Variants in TRAPPC12 observed in about 807,000 individuals in gnomAD.
The protein encoded by TRAPPC12 is TPR repeat protein 15.
Under a neutral mutation model 69.2 loss-of-function variants are expected in TRAPPC12, and 61 were observed. The ratio of observed to expected loss-of-function variants is 0.88; its 90% CI spans 0.72 to 1.09. The LOEUF (loss-of-function observed/expected upper bound fraction) is 1.09. Among genes scored for constraint, TRAPPC12 ranks in the 50% least tolerant of loss-of-function variants. TRAPPC12 has a pLI of 0.00. For synonymous variants in TRAPPC12, 469 were observed against 438.9 expected (o/e 1.07, Z -0.86); for missense variants, 1,101 against 1,016.4 (o/e 1.08, Z -1.13).
chr2:3,438,958 ATCT>A, intron 5 of TRAPPC12, among the ~76,000 whole-genome samples: 1 of 152,196 alleles, frequency 6.6e-6, no homozygotes, highest in African/African-American at 2.4e-5. Context: ...CCTTGGGTAA[ATCT>A]CTAGGACTGT....
chr2:3,394,105 C>T (rs1279358020), intron 2 of TRAPPC12, among the ~76,000 whole-genome samples: 2 of 152,148 alleles, frequency 1.3e-5, no homozygotes, highest in Non-Finnish European at 2.9e-5. Context: ...CAACCAAGTC[C>T]AGGAAGCTTT....
chr2:3,413,335 T>C (rs1298490712), intron 3 of TRAPPC12, among the ~76,000 whole-genome samples: 1 of 152,220 alleles, frequency 6.6e-6, no homozygotes, highest in Non-Finnish European at 1.5e-5. Context: ...CAAAGGATTA[T>C]CTCATTATCT....
At position 3,477,704 on chromosome 2, in the gene TRAPPC12, A is replaced by T. The variant is rs772796329; in HGVS notation, c.1786A>T (p.Ile596Leu). 1.9e-6 allele frequency: 3 copies of T among 1,607,176 alleles called. No individual in the cohort carries two copies. The African/African-American group carries it at 4.0e-5, about 22-fold the overall frequency. ...IGRISLQIGD[I>L]KTAEKYFQDV... ...AATTTTGTCAAAGCAGATTGGAGAC[A>T]TAAAAACAGCTGAAAAGTATTTTCA... Residue 596 changes from isoleucine to leucine, a missense_variant, in exon 10 of 12, where the codon ATA becomes TTA. Transcript: ENST00000324266.
At chr2:3,457,791 G>C (rs1442567908) in intron 7 of TRAPPC12, 98 bp downstream of exon 7, 2 of 1,538,476 alleles carry the variant, frequency 1.3e-6, no homozygotes, top group East Asian at 2.3e-5. Context: ...TTTCCTTTCT[G>C]TAGTCAGCAC....
At chr2:3,403,733 T>G (rs894279632) in intron 3 of TRAPPC12, among the ~76,000 whole-genome samples, 2 of 152,214 alleles carry the variant, frequency 1.3e-5, no homozygotes, top group Admixed American at 6.5e-5. Flanking sequence ...CAACTGTCTT[T>G]TGTGTGAAAA....
At chr2:3,479,088 G>A (rs1051324153) in intron 11 of TRAPPC12, 131 bp from the exon 12 acceptor site, 8 of 1,520,384 alleles carry the variant, frequency 5.3e-6, no homozygotes, top group Non-Finnish European at 6.2e-6. Context: ...TGACCCAACA[G>A]GGCCACCTAG....
chr2:3,460,573 A>G (rs1665434416), intron 8 of TRAPPC12: 3 of 466,396 alleles, frequency 6.4e-6, no homozygotes, highest in Non-Finnish European at 7.5e-6. Context: ...CATTATTGAA[A>G]TGTGGGTCTA....
intron 2 of TRAPPC12, among the ~76,000 whole-genome samples, chr2:3,390,076 G>GA (rs1043474767): frequency 1.3e-5 from 2 of 152,198 alleles, no homozygotes; most frequent in African/African-American, 4.8e-5. Flanking sequence ...CTCCACATGG[G>GA]ACGAAAGGTT....
intron 2 of TRAPPC12, among the ~76,000 whole-genome samples, chr2:3,389,472 T>C (rs1311196317): frequency 6.6e-6 from 1 of 152,244 alleles, no homozygotes. Flanking sequence ...CACAGTGGAC[T>C]CCTGCGTCCA....
Position 3,401,773 on chromosome 2 carries a change from C to T in TRAPPC12, c.1048-4C>T. On this transcript the variant is annotated splice_region_variant and splice_polypyrimidine_tract_variant and intron_variant, in intron 2 of 11. Transcript: ENST00000324266. ...TTGACATATTTTTCTTCTATTCTTC[C>T]CAGGGAGATGCAGTTAAAGACTTGA... The T allele has an allele frequency of 6.4e-7, 1 of 1,561,428 alleles. No individual in the cohort carries two copies. Among genetic ancestry groups the T allele is most frequent in the Non-Finnish European group, 8.7e-7 (1 of 1,154,884 alleles).
rs1218499226 is a variant in TRAPPC12, at chr2:3,379,733, C to G, written c.-148C>G. 1 of 152,326 alleles carries G rather than the reference C, an allele frequency of 6.6e-6. No individual in the cohort carries two copies. Among genetic ancestry groups the G allele is most frequent in the Non-Finnish European group, 1.5e-5 (1 of 68,114 alleles). The allele number at this position is 152,326 out of a possible 1,614,324, so 9.4% of individuals were successfully genotyped here. On this transcript the variant is annotated 5_prime_UTR_variant, in exon 1 of 12. Coordinates refer to ENST00000324266, the MANE Select transcript of TRAPPC12 (RefSeq NM_016030.6). The stretch of plus-strand genomic sequence containing the variant: ...CATCGGGCCTGAGCAGAACTAGGCG[C>G]GCCGCGGCCCGGCACGCGCAGGCGT...
At chr2:3,428,502 C>T (rs953444131) in intron 5 of TRAPPC12, among the ~76,000 whole-genome samples, 3 of 152,110 alleles carry the variant, frequency 2.0e-5, no homozygotes, top group Admixed American at 2.0e-4. Context: ...TAATATATTT[C>T]ATGTAAATAT....
chr2:3,458,133 C>T, intron 7 of TRAPPC12: 1 of 1,020,186 alleles, frequency 9.8e-7, no homozygotes, highest in Non-Finnish European at 1.2e-6. Context: ...AGGCCCAGAG[C>T]CTGGGGCAGG....
intron 2 of TRAPPC12, among the ~76,000 whole-genome samples, chr2:3,396,405 GT>G (rs1661136885): frequency 6.6e-6 from 1 of 152,094 alleles, no homozygotes; most frequent in South Asian, 2.1e-4. Context: ...TTTTTCAGCA[GT>G]TTGGTTCTGA....
rs112346992 is a variant in TRAPPC12, at chr2:3,404,764, G to T, written c.1164+2871G>T. 7.6e-3 allele frequency among the ~76,000 whole-genome samples: 1,156 copies of T among 151,760 alleles called. 21 individuals are homozygous for T. The highest frequency in any genetic ancestry group is 0.026 in the African/African-American group (1,078 of 41,362). On this transcript the variant is annotated intron_variant, in intron 3 of 11. Coordinates refer to ENST00000324266, the MANE Select transcript of TRAPPC12 (RefSeq NM_016030.6). ...TGAGTAAATAAAGGGATGAGGGAATGAATAGATAAGAGAACCCCCAGTCGG... is the reference window on the plus strand; with the variant it reads ...TGAGTAAATAAAGGGATGAGGGAATTAATAGATAAGAGAACCCCCAGTCGG...
chr2:3,477,604 A>G (rs947438463), intron 9 of TRAPPC12, 91 bp from the exon 10 acceptor site: 1 of 665,752 alleles, frequency 1.5e-6, no homozygotes, highest in African/African-American at 1.9e-5. Flanking sequence ...AAATGTCTTC[A>G]TATTCTAACA....
chr2:3,469,451 G>T (rs1037739163), intron 9 of TRAPPC12, among the ~76,000 whole-genome samples: 19 of 152,200 alleles, frequency 1.2e-4, no homozygotes, highest in Admixed American at 1.1e-3. Context: ...AGTGGAATCC[G>T]CAGTGGCTGC....
intron 5 of TRAPPC12, among the ~76,000 whole-genome samples, chr2:3,428,293 C>T (rs1663228028): frequency 6.6e-6 from 1 of 152,200 alleles, no homozygotes; most frequent in South Asian, 2.1e-4. Flanking sequence ...TACATTTTAG[C>T]AAAAGCGTAT....
chr2:3,414,694 T>G lies in TRAPPC12; in HGVS notation c.1165-7187T>G, dbSNP rs1662268932. 6.6e-6 allele frequency among the ~76,000 whole-genome samples: 1 copy of G among 152,158 alleles called. No homozygotes were observed. The highest frequency in any genetic ancestry group is 1.5e-5 in the Non-Finnish European group (1 of 68,036). ...TCAAGCGTGTCCATGCCGTGCCGCT[T>G]GTGCCTCTGCCCCGCGAGGGACACC... is the stretch of plus-strand genomic sequence containing the variant. On this transcript the variant is annotated intron_variant, in intron 3 of 11. Coordinates refer to ENST00000324266, the MANE Select transcript of TRAPPC12 (RefSeq NM_016030.6). This position sits in a 1 kb window ranked among gnomAD's most constrained non-coding sequence, Gnocchi z 4.9.
Sources: allele counts gnomAD v4.1 joint callset (sites outside exome capture counted in the v4.1 genomes callset), GRCh38; gene constraint gnomAD v4.1.1; non-coding constraint Gnocchi (gnomAD v3.1); transcripts MANE v1.5; gene names NCBI Gene and HGNC (gene_info 2026-07-23, HGNC 2026-07-21).